Variants in MAST2 observed in about 807,000 individuals in gnomAD.
MAST2 encodes the protein microtubule associated serine/threonine kinase 2, also known as microtubule-associated serine/threonine-protein kinase 2.
MAST2 carries 70 observed loss-of-function variants against 147.4 expected under a neutral mutation model. That is an observed-to-expected ratio of 0.47 (90% CI 0.39 to 0.58). The LOEUF is 0.58. Among genes scored for constraint, MAST2 ranks in the 20% least tolerant of loss-of-function variants. MAST2 has a pLI of 0.00. For missense variants in MAST2, 2,080 were observed against 2,302.3 expected, an observed-to-expected ratio of 0.90 and a Z score of 1.98; for synonymous variants, 869 against 896.8, an observed-to-expected ratio of 0.97 and a Z score of 0.55.
chr1:45,977,861 C>G (rs1440647424), intron 5 of MAST2, among the ~76,000 whole-genome samples: 1 of 149,702 alleles, frequency 6.7e-6, no homozygotes, highest in African/African-American at 2.5e-5. Context: ...AAACGAGAAG[C>G]CACAAGGTGC....
rs375896276 is a variant in MAST2, at chr1:46,008,278, C to A, written c.903-18C>A. Reference sequence around the variant, plus strand: ...TTCCATAGCACTAAAGTAACACAATCATTTCTTTCTTTTTTAGTCCCGGAC... The same window carrying A: ...TTCCATAGCACTAAAGTAACACAATAATTTCTTTCTTTTTTAGTCCCGGAC... On this transcript the variant is annotated intron_variant, in intron 8 of 28. Transcript: ENST00000361297. 1.4e-5 allele frequency: 22 copies of A among 1,574,102 alleles called. No homozygotes were observed. The highest frequency in any genetic ancestry group is 1.8e-5 in the Non-Finnish European group (21 of 1,144,002).
intron 4 of MAST2, among the ~76,000 whole-genome samples, chr1:45,886,268 T>A (rs1647080529): frequency 6.8e-6 from 1 of 146,938 alleles, no homozygotes. Flanking sequence ...TAAGTATACA[T>A]ATATATTTAT....
intron 5 of MAST2, among the ~76,000 whole-genome samples, chr1:45,973,539 G>A (rs537631427): frequency 7.2e-5 from 11 of 152,186 alleles, no homozygotes; most frequent in Middle Eastern, 6.8e-3. Flanking sequence ...AAAAAATAGG[G>A]CTAGAGATAC....
intron 4 of MAST2, among the ~76,000 whole-genome samples, chr1:45,907,084 A>G (rs2148537721): frequency 6.6e-6 from 1 of 152,296 alleles, no homozygotes; most frequent in Admixed American, 6.5e-5. Flanking sequence ...TTATGCAGGT[A>G]TACTCCATGA....
chr1:45,864,637 A>T (rs1198257123), intron 3 of MAST2, among the ~76,000 whole-genome samples: 2 of 152,186 alleles, frequency 1.3e-5, no homozygotes, highest in Non-Finnish European at 2.9e-5. Context: ...CTTTTTAAAA[A>T]CGTATGTGGA....
intron 3 of MAST2, among the ~76,000 whole-genome samples, chr1:45,868,798 TTTC>T (rs1364506630): frequency 6.6e-5 from 10 of 152,186 alleles, no homozygotes; most frequent in Middle Eastern, 3.2e-3. Context: ...AAACATTCAA[TTTC>T]TTCTTGAAAT....
At chr1:45,934,798 C>T (rs548560578) in intron 4 of MAST2, among the ~76,000 whole-genome samples, 2 of 152,184 alleles carry the variant, frequency 1.3e-5, no homozygotes, top group Non-Finnish European at 2.9e-5. Context: ...ATTCAGTCCT[C>T]TGTTGATGGG....
chr1:45,884,552 A>T (rs943732567), intron 4 of MAST2, among the ~76,000 whole-genome samples: 3 of 152,112 alleles, frequency 2.0e-5, no homozygotes, highest in African/African-American at 7.2e-5. Context: ...GCGCCGTCAA[A>T]AAATAAATAA....
At chr1:45,912,470 C>CT (rs1651831541) in intron 4 of MAST2, among the ~76,000 whole-genome samples, 1 of 152,190 alleles carries the variant, frequency 6.6e-6, no homozygotes, top group South Asian at 2.1e-4. Context: ...GGTAGTTTCC[C>CT]TTTTTAGAAA....
chr1:45,860,277 G>C (rs970492613), intron 3 of MAST2, among the ~76,000 whole-genome samples: 2 of 149,376 alleles, frequency 1.3e-5, no homozygotes, highest in African/African-American at 5.0e-5. Context: ...CCAGCTACTC[G>C]GGAGGCTGAG....
In MAST2 at chr1:45,841,820, A is replaced by G. The variant is rs149668993; in HGVS notation, c.468+12239A>G. Among the ~76,000 whole-genome samples the G allele has an allele frequency of 4.8e-3, 738 of 152,296 alleles. 5 individuals are homozygous for G. The highest frequency in any genetic ancestry group is 0.017 in the African/African-American group (710 of 41,554). On this transcript the variant is annotated intron_variant, in intron 3 of 28. Coordinates refer to ENST00000361297, the MANE Select transcript of MAST2 (RefSeq NM_015112.3). ...TTTATGGACTTTAAAGCAGGACCTTAGGGTAATTTGGACCATATTAGTTAT... is the reference window on the plus strand; with the variant it reads ...TTTATGGACTTTAAAGCAGGACCTTGGGGTAATTTGGACCATATTAGTTAT...
chr1:45,906,264 TA>T (rs1268364336), intron 4 of MAST2, among the ~76,000 whole-genome samples: 5 of 152,196 alleles, frequency 3.3e-5, no homozygotes, highest in Non-Finnish European at 7.3e-5. Flanking sequence ...GGTGATCCCA[TA>T]AGATTATAAA....
At chr1:46,022,350 C>A (rs548861409) in intron 12 of MAST2, among the ~76,000 whole-genome samples, 2 of 152,218 alleles carry the variant, frequency 1.3e-5, no homozygotes, top group African/African-American at 4.8e-5. Flanking sequence ...AAGAGGTCAA[C>A]AACAAAGGGC....
intron 3 of MAST2, among the ~76,000 whole-genome samples, chr1:45,841,006 A>G (rs1557823424): frequency 6.6e-6 from 1 of 152,150 alleles, no homozygotes; most frequent in Non-Finnish European, 1.5e-5. Flanking sequence ...GGTGGAGTGC[A>G]GTGACATGGC....
At chr1:46,019,330 AGT>A (rs1245275497) in intron 10 of MAST2, among the ~76,000 whole-genome samples, 2 of 152,048 alleles carry the variant, frequency 1.3e-5, no homozygotes, top group Non-Finnish European at 2.9e-5. Context: ...CTGGAGGGTA[AGT>A]GAGGCTTGTT....
intron 19 of MAST2, 51 bp downstream of exon 19, chr1:46,029,618 A>G (rs1317583546): frequency 6.4e-7 from 1 of 1,554,724 alleles, no homozygotes; most frequent in Non-Finnish European, 8.8e-7. Context: ...GGGGTAAGGG[A>G]GGCTGAGTCA....
intron 6 of MAST2, chr1:46,000,960 C>T: frequency 7.8e-7 from 1 of 1,289,604 alleles, no homozygotes; most frequent in South Asian, 1.2e-5. Context: ...TTACTACAGC[C>T]ATAGCCACAG....
chr1:45,847,693 T>C, intron 3 of MAST2: 2 of 305,618 alleles, frequency 6.5e-6, no homozygotes, highest in South Asian at 9.1e-5. Context: ...CTCACAGGAG[T>C]ACCCGTGCCA....
At chr1:45,995,712 C>T (rs1286281152) in intron 5 of MAST2, among the ~76,000 whole-genome samples, 2 of 152,192 alleles carry the variant, frequency 1.3e-5, no homozygotes, top group Non-Finnish European at 2.9e-5. Flanking sequence ...CCACTGTACC[C>T]GGCTCCCTCT....
Sources: allele counts gnomAD v4.1 joint callset (sites outside exome capture counted in the v4.1 genomes callset), GRCh38; gene constraint gnomAD v4.1.1; transcripts MANE v1.5; gene names NCBI Gene and HGNC (gene_info 2026-07-23, HGNC 2026-07-21).